AOPEP: variants seen among roughly 807,000 people sequenced by gnomAD.
AOPEP encodes aminopeptidase O.
In AOPEP, 77 loss-of-function variants were observed where a neutral mutation model predicts 98.1. That is an observed-to-expected ratio of 0.78 (90% CI 0.65 to 0.95). The LOEUF (loss-of-function observed/expected upper bound fraction) is 0.95, where lower values mean the gene tolerates loss of function less well. Among genes scored for constraint, AOPEP ranks in the 40% least tolerant of loss-of-function variants. The pLI, the probability that AOPEP is intolerant of heterozygous loss-of-function variation, is 0.00. For synonymous variants in AOPEP, 346 were observed against 365.3 expected (o/e 0.95, Z 0.60); for missense variants, 1,024 against 1,024.7 (o/e 1.00, Z 0.01).
chr9:94,917,944 C>A (rs2053068459), intron 5 of AOPEP, among the ~76,000 whole-genome samples: 1 of 152,108 alleles, frequency 6.6e-6, no homozygotes, highest in South Asian at 2.1e-4. Context: ...TGCTTCTTTC[C>A]TTGTCTACTT....
the AOPEP span, chr9:95,150,115 C>T: frequency 6.2e-7 from 1 of 1,612,890 alleles, no homozygotes; most frequent in Non-Finnish European, 8.5e-7. Context: ...AATAATCACT[C>T]AAATCTAAGA....
chr9:95,044,473 A>G (rs1376189757), intron 13 of AOPEP, among the ~76,000 whole-genome samples: 2 of 152,192 alleles, frequency 1.3e-5, no homozygotes, highest in Non-Finnish European at 2.9e-5. Context: ...CAGCACTCCG[A>G]TAATTCTGTT....
chr9:95,122,408 G>T, the AOPEP span, among the ~76,000 whole-genome samples: 2 of 152,172 alleles, frequency 1.3e-5, no homozygotes, highest in African/African-American at 4.8e-5. Flanking sequence ...CAGTTAAAAA[G>T]ACAGGCACTC....
chr9:94,951,059 C>T (rs748435110), intron 7 of AOPEP, among the ~76,000 whole-genome samples: 5 of 152,180 alleles, frequency 3.3e-5, no homozygotes, highest in African/African-American at 4.8e-5. Flanking sequence ...GGAAAGGGCA[C>T]GTCAATCTCA....
At chr9:95,150,091 TG>T in the AOPEP span, 1 of 1,613,892 alleles carries the variant, frequency 6.2e-7, no homozygotes, top group Non-Finnish European at 8.5e-7. Context: ...AGCCATTCTA[TG>T]GAAGAAATAA....
chr9:94,793,002 A>C (rs1401393135), intron 4 of AOPEP, 84 bp downstream of exon 4: 1 of 1,394,332 alleles, frequency 7.2e-7, no homozygotes, highest in Non-Finnish European at 9.8e-7. Context: ...AAGCACTGGG[A>C]ATGTGAGTCA....
chr9:95,032,395 A>AT (rs1462327125), intron 13 of AOPEP, among the ~76,000 whole-genome samples: 7 of 152,366 alleles, frequency 4.6e-5, no homozygotes, highest in Non-Finnish European at 8.8e-5. Context: ...ATACTGCAGC[A>AT]TTGGTTTTCA....
At chr9:95,047,951 T>C (rs1174048630) in intron 13 of AOPEP, among the ~76,000 whole-genome samples, 1 of 152,236 alleles carries the variant, frequency 6.6e-6, no homozygotes, top group African/African-American at 2.4e-5. Context: ...ATAAATTGTT[T>C]ATTCTTACAG....
chr9:95,122,425 A>G, the AOPEP span, among the ~76,000 whole-genome samples: 1 of 152,204 alleles, frequency 6.6e-6, no homozygotes, highest in South Asian at 2.1e-4. Context: ...ACTCAGGTCC[A>G]GCTCTAGGAA....
chr9:94,947,318 G>A (rs147268273), intron 7 of AOPEP, among the ~76,000 whole-genome samples: 3 of 151,982 alleles, frequency 2.0e-5, no homozygotes, highest in East Asian at 1.9e-4. Context: ...TTTCTCTGTC[G>A]CCCAGGCTAG....
At chr9:95,101,298 T>G in the AOPEP span, 1 of 322,136 alleles carries the variant, frequency 3.1e-6, no homozygotes, top group East Asian at 4.6e-5. Flanking sequence ...AGAGCTAAGT[T>G]CTCTCTAAAT....
the AOPEP span, among the ~76,000 whole-genome samples, chr9:95,144,590 C>A: frequency 6.6e-6 from 1 of 152,148 alleles, no homozygotes; most frequent in African/African-American, 2.4e-5. Flanking sequence ...TCCAGATTCC[C>A]TTTAATTCAG....
chr9:94,955,500 C>T (rs892433798), intron 8 of AOPEP, among the ~76,000 whole-genome samples: 2 of 152,304 alleles, frequency 1.3e-5, no homozygotes, highest in African/African-American at 4.8e-5. Context: ...ATTCCCTGCC[C>T]TGTACCTCTG....
At chr9:95,101,638 C>T in the AOPEP span, 4 of 1,597,248 alleles carry the variant, frequency 2.5e-6, no homozygotes, top group South Asian at 4.4e-5. Flanking sequence ...GGCCACAGGT[C>T]ATCACCTGTC....
intron 5 of AOPEP, among the ~76,000 whole-genome samples, chr9:94,833,820 C>T (rs551158156): frequency 6.6e-6 from 1 of 152,262 alleles, no homozygotes; most frequent in Non-Finnish European, 1.5e-5. Context: ...TATACAGCAT[C>T]TCAGCATAAA....
At chr9:94,885,794 G>T (rs1049610576) in intron 5 of AOPEP, among the ~76,000 whole-genome samples, 1 of 152,168 alleles carries the variant, frequency 6.6e-6, no homozygotes, top group Admixed American at 6.5e-5. Context: ...CAGAATTGGA[G>T]TGTGTGGCCT....
intron 5 of AOPEP, among the ~76,000 whole-genome samples, chr9:94,909,249 G>C (rs1268449122): frequency 6.7e-6 from 1 of 149,870 alleles, no homozygotes; most frequent in Non-Finnish European, 1.5e-5. Context: ...CTGTAGTTAA[G>C]GTTACGCGCA....
chr9:94,789,372 A>G (rs1313076727), intron 3 of AOPEP, among the ~76,000 whole-genome samples: 1 of 152,188 alleles, frequency 6.6e-6, no homozygotes, highest in South Asian at 2.1e-4. Context: ...GGAAATTCTA[A>G]TGGTTCTTGG....
chr9:95,041,337 G>A (rs1217631138), intron 13 of AOPEP, among the ~76,000 whole-genome samples: 1 of 151,414 alleles, frequency 6.6e-6, no homozygotes, highest in East Asian at 1.9e-4. Context: ...TTGAGAATAA[G>A]GAAACTATTC....
Sources: allele counts gnomAD v4.1 joint callset (sites outside exome capture counted in the v4.1 genomes callset), GRCh38; gene constraint gnomAD v4.1.1; transcripts MANE v1.5; gene names NCBI Gene and HGNC (gene_info 2026-07-23, HGNC 2026-07-21).